FRMD6: variants seen among roughly 807,000 people sequenced by gnomAD.
FRMD6 encodes FERM domain containing 6, also known as FERM domain-containing protein 6.
FRMD6 carries 37 observed loss-of-function variants against 73.2 expected under a neutral mutation model. The ratio of observed to expected loss-of-function variants is 0.51; its 90% confidence interval spans 0.39 to 0.66. The LOEUF is 0.66. FRMD6 is among the 30% of genes least tolerant of loss of function. FRMD6 has a pLI of 0.00. For missense variants in FRMD6, 714 were observed against 780.5 expected (o/e 0.91, Z 1.02); for synonymous variants, 273 against 282.2 (o/e 0.97, Z 0.33).
rs189192980 is a variant in FRMD6 at position 51,516,962 on chromosome 14, G to C, written c.-210+27542G>C. On this transcript the variant is annotated intron_variant, in intron 1 of 14. Transcript: ENST00000356218. ...TGACTTTAATCTAGAACTTTGTCAA[G>C]ATGGCTGTCAATTGCCTTGGTTATA... Among the ~76,000 whole-genome samples, 41 of 152,234 alleles carry C rather than the reference G, an allele frequency of 2.7e-4. No individual in the cohort carries two copies. In the East Asian group the frequency reaches 6.0e-3, roughly 22 times the overall value.
chr14:51,705,426 C>T (rs572385435), intron 6 of FRMD6, among the ~76,000 whole-genome samples: 19 of 152,188 alleles, frequency 1.2e-4, no homozygotes, highest in African/African-American at 4.1e-4. Context: ...ACTGTCTCAG[C>T]TGCGCTTTCT....
the FRMD6 span, among the ~76,000 whole-genome samples, chr14:51,435,362 G>A: frequency 2.7e-5 from 4 of 150,786 alleles, no homozygotes; most frequent in African/African-American, 4.9e-5. Context: ...GATCACTTGA[G>A]CCCAAGAGTT....
intron 1 of FRMD6, among the ~76,000 whole-genome samples, chr14:51,532,023 C>T (rs1378537449): frequency 3.3e-5 from 5 of 152,180 alleles, no homozygotes; most frequent in Admixed American, 2.0e-4. Flanking sequence ...ACCACCACAT[C>T]GCTGAATATC....
intron 2 of FRMD6, among the ~76,000 whole-genome samples, chr14:51,633,655 T>C (rs1250668786): frequency 8.3e-6 from 1 of 120,082 alleles, no homozygotes; most frequent in Non-Finnish European, 1.8e-5. Flanking sequence ...AAGGTAACCA[T>C]AAAATTGTAA....
chr14:51,522,321 T>A (rs1323398716), intron 1 of FRMD6, among the ~76,000 whole-genome samples: 1 of 152,198 alleles, frequency 6.6e-6, no homozygotes, highest in Non-Finnish European at 1.5e-5. Flanking sequence ...TTTTTAGCTG[T>A]GTATCTTACA....
Position 51,728,035 on chromosome 14 carries a change from G to T in FRMD6, c.*6G>T, listed in dbSNP as rs375396408. ...TTCCAGAGTTTGTTGTGTAAAGTCC[G>T]TCTGTGTGCAGCTGTACAGGCAGCT... On this transcript the variant is annotated 3_prime_UTR_variant, in exon 14 of 14. Coordinates refer to ENST00000344768, the MANE Select transcript of FRMD6 (RefSeq NM_001267046.2). 6.9e-6 allele frequency: 11 copies of T among 1,602,144 alleles called. No homozygotes were observed. The African/African-American group carries it at 1.5e-4, about 21-fold the overall frequency.
intron 2 of FRMD6, among the ~76,000 whole-genome samples, chr14:51,609,698 G>C (rs1245205992): frequency 6.6e-6 from 1 of 152,190 alleles, no homozygotes; most frequent in Non-Finnish European, 1.5e-5. Flanking sequence ...AAGGGGAGAT[G>C]GGGGAGAGCC....
At chr14:51,633,541 C>A (rs1435570549) in intron 2 of FRMD6, among the ~76,000 whole-genome samples, 1 of 125,484 alleles carries the variant, frequency 8.0e-6, no homozygotes, top group East Asian at 2.3e-4. Context: ...GTGGAGACTG[C>A]AGTGAGCTAA....
chr14:51,472,221 C>T, the FRMD6 span, among the ~76,000 whole-genome samples: 1 of 152,192 alleles, frequency 6.6e-6, no homozygotes. Context: ...GACTCAAAGA[C>T]TCATCACTGT....
intron 1 of FRMD6, among the ~76,000 whole-genome samples, chr14:51,561,296 C>T (rs891526768): frequency 4.6e-5 from 7 of 152,112 alleles, no homozygotes; most frequent in African/African-American, 1.7e-4. Context: ...GGCCTCTAAC[C>T]CTAACCCTGT....
chr14:51,454,097 G>T, the FRMD6 span, among the ~76,000 whole-genome samples: 1 of 152,188 alleles, frequency 6.6e-6, no homozygotes, highest in African/African-American at 2.4e-5. Flanking sequence ...TCTATACGCT[G>T]CCTCCGTGAG....
intron 1 of FRMD6, among the ~76,000 whole-genome samples, chr14:51,681,292 G>A (rs186495186): frequency 8.2e-4 from 125 of 152,292 alleles, no homozygotes; most frequent in Non-Finnish European, 1.0e-4. Context: ...TTCAAGATAT[G>A]ATAAAATAGC....
chr14:51,475,628 G>T, the FRMD6 span, among the ~76,000 whole-genome samples: 2 of 152,140 alleles, frequency 1.3e-5, no homozygotes, highest in African/African-American at 4.8e-5. Flanking sequence ...CCTTGGGTTG[G>T]ATTCAAAACC....
chr14:51,484,035 C>T, the FRMD6 span, among the ~76,000 whole-genome samples: 2 of 152,120 alleles, frequency 1.3e-5, no homozygotes, highest in Middle Eastern at 3.4e-3. Context: ...GTTGTCTTAG[C>T]GTTTGAGGTC....
intron 1 of FRMD6, among the ~76,000 whole-genome samples, chr14:51,532,200 C>T (rs764690664): frequency 1.3e-5 from 2 of 151,880 alleles, no homozygotes; most frequent in Non-Finnish European, 2.9e-5. Flanking sequence ...AACCCCGTTT[C>T]TACTAAAAAT....
At chr14:51,562,689 G>A (rs2139521080) in intron 1 of FRMD6, among the ~76,000 whole-genome samples, 1 of 152,232 alleles carries the variant, frequency 6.6e-6, no homozygotes, top group African/African-American at 2.4e-5. Context: ...GAAGATTTGA[G>A]TCAGTACAGC....
intron 1 of FRMD6, among the ~76,000 whole-genome samples, chr14:51,496,982 A>G (rs1883331221): frequency 6.6e-6 from 1 of 152,162 alleles, no homozygotes; most frequent in Non-Finnish European, 1.5e-5. Context: ...CATTTCCTCT[A>G]AATTATACTT....
At position 51,720,092 on chromosome 14, in the gene FRMD6, C is replaced by A. The variant is rs138594492; in HGVS notation, c.1062C>A (p.Asn354Lys). 6.2e-7 allele frequency: 1 copy of A among 1,613,586 alleles called. No individual in the cohort carries two copies. The highest frequency in any genetic ancestry group is 1.1e-5 in the South Asian group (1 of 91,048). ...KQYRESYISDNLDLDMDQLEK... is the reference protein window; with the variant it reads ...KQYRESYISDKLDLDMDQLEK... ...ACCGGGAATCTTACATCAGTGACAA[C>A]CTGGACCTCGACATGGACCAGCTGG... The change falls in exon 11 of 14, where the codon AAC becomes AAA. Residue 354 changes from asparagine (N) to lysine (K), a missense_variant. Asn to Lys is a moderately conservative substitution (Grantham distance 94). Coordinates refer to ENST00000344768, the MANE Select transcript of FRMD6 (RefSeq NM_001267046.2).
At chr14:51,664,808 T>G (rs1435563438) in intron 1 of FRMD6, among the ~76,000 whole-genome samples, 1 of 152,248 alleles carries the variant, frequency 6.6e-6, no homozygotes, top group Non-Finnish European at 1.5e-5. Context: ...AATGTTTTTT[T>G]CAGCTGAAAC....
Sources: gnomAD v4.1 joint callset for allele counts (sites outside exome capture counted in the v4.1 genomes callset) on GRCh38, gnomAD v4.1.1 for gene constraint, MANE v1.5 for transcripts, NCBI Gene and HGNC (gene_info 2026-07-23, HGNC 2026-07-21) for gene names.